The following TMBIM6 variants were observed in gnomAD, a reference collection of about 807,000 sequenced individuals.
TMBIM6 encodes transmembrane BAX inhibitor motif containing 6, also known as bax inhibitor 1.
TMBIM6 carries 13 observed loss-of-function variants against 31.4 expected under a neutral mutation model. The ratio of observed to expected loss-of-function variants is 0.41; its 90% CI spans 0.27 to 0.66. TMBIM6 has a LOEUF of 0.66. Ranked by LOEUF, TMBIM6 falls within the 30% of genes least tolerant of loss-of-function variation. The pLI is 0.28. For missense variants in TMBIM6, 275 were observed against 289.5 expected (o/e 0.95, Z 0.36); for synonymous variants, 85 against 101.7 (o/e 0.84, Z 0.99).
Position 49,757,369 on chromosome 12 carries a change from G to A in TMBIM6, c.287-858G>A, listed in dbSNP as rs141861357. On this transcript the variant is annotated intron_variant, in intron 4 of 9. Transcript: ENST00000267115. ...TTTAATAAACTAGACTTGAGAATCC[G>A]ACATAGTTGCACCCATACTGGCAAT... Among the ~76,000 whole-genome samples, 535 of 152,232 alleles carry A rather than the reference G, an allele frequency of 3.5e-3. 1 individual carries two copies. Among genetic ancestry groups the A allele is most frequent in the Middle Eastern group, 0.017 (5 of 294 alleles).
At chr12:49,755,307 C>T (rs1945568443) in intron 3 of TMBIM6, among the ~76,000 whole-genome samples, 1 of 152,102 alleles carries the variant, frequency 6.6e-6, no homozygotes, top group Non-Finnish European at 1.5e-5. Context: ...ATGGAATGTA[C>T]TTTAAGCACT....
chr12:49,763,132 C>A lies in TMBIM6; in HGVS notation c.*236C>A. Reference sequence around the variant, plus strand: ...TCACTCCCTTTTTTGTCAACCCCATCTGTAGCCTCTTCCTCTACTCAGGCA... The same window carrying A: ...TCACTCCCTTTTTTGTCAACCCCATATGTAGCCTCTTCCTCTACTCAGGCA... On this transcript the variant is annotated 3_prime_UTR_variant, in exon 10 of 10. Transcript: ENST00000267115. The A allele has an allele frequency of 2.4e-6, 1 of 419,534 alleles. No individual in the cohort carries two copies. The highest frequency in any genetic ancestry group is 4.4e-6 in the Non-Finnish European group (1 of 228,032). 26.0% of individuals were successfully genotyped at this position (419,534 alleles called of 1,614,324 possible).
intron 7 of TMBIM6, chr12:49,759,011 A>G: frequency 3.2e-6 from 2 of 627,106 alleles, no homozygotes; most frequent in Non-Finnish European, 5.6e-6. Context: ...CTGATTGTTA[A>G]AATGATTGAA....
intron 1 of TMBIM6, among the ~76,000 whole-genome samples, chr12:49,747,314 C>A (rs888800269): frequency 1.9e-4 from 29 of 152,024 alleles, no homozygotes. Flanking sequence ...CTGTGTTGCC[C>A]AGGCTGGGGT....
At chr12:49,752,104 A>C (rs1048620951) in intron 1 of TMBIM6, among the ~76,000 whole-genome samples, 4 of 152,086 alleles carry the variant, frequency 2.6e-5, no homozygotes, top group Non-Finnish European at 4.4e-5. Context: ...AATGACATAA[A>C]ATTGCTTTAT....
rs1441619921 is a variant in TMBIM6, at chr12:49,752,500, A to G, written c.7A>G (p.Ile3Val). 5.6e-6 allele frequency: 9 copies of G among 1,613,612 alleles called. No individual in the cohort carries two copies. Among genetic ancestry groups the G allele is most frequent in the South Asian group, 2.2e-5 (2 of 91,050 alleles). Residue 3 changes from isoleucine (I) to valine (V), a missense_variant, in exon 2 of 10, where the codon ATA (isoleucine) becomes GTA (valine). Coordinates refer to ENST00000267115, the MANE Select transcript of TMBIM6 (RefSeq NM_003217.3). ...CTGCACGGACTCTGGAACCATGAAC[A>G]TATTTGATCGAAAGATCAACTTTGA... MNIFDRKINFDAL... is the reference protein window; with the variant it reads MNVFDRKINFDAL...
At chr12:49,755,424 A>C (rs950421856) in intron 3 of TMBIM6, among the ~76,000 whole-genome samples, 7 of 152,216 alleles carry the variant, frequency 4.6e-5, no homozygotes, top group Non-Finnish European at 8.8e-5. Flanking sequence ...AAGAGCCTCC[A>C]GCATCCACCA....
intron 1 of TMBIM6, among the ~76,000 whole-genome samples, chr12:49,743,263 C>G (rs960709422): frequency 2.0e-5 from 3 of 150,760 alleles, no homozygotes; most frequent in East Asian, 1.9e-4. Context: ...TTGAGACAGT[C>G]TCACTCCCTT....
chr12:49,758,236 T>C lies in TMBIM6; in HGVS notation c.296T>C (p.Leu99Pro). The change falls in exon 5 of 10, where the codon CTG becomes CCG. Residue 99 changes from leucine (L) to proline (P), a missense_variant. Coordinates refer to ENST00000267115, the MANE Select transcript of TMBIM6 (RefSeq NM_003217.3). ...AGFAFLTGVG[L>P]GPALEFCIAV... is the part of the protein sequence containing the mutation. ...GTTTTCTGTTTTCTAGGAGTTGGCC[T>C]GGGCCCTGCCCTGGAGTTTTGTATT... 1.2e-6 allele frequency: 2 copies of C among 1,614,268 alleles called. No homozygotes were observed. The highest frequency in any genetic ancestry group is 8.5e-7 in the Non-Finnish European group (1 of 1,180,046).
chr12:49,742,239 C>A (rs1484903147), intron 1 of TMBIM6: 1 of 1,611,904 alleles, frequency 6.2e-7, no homozygotes, highest in Non-Finnish European at 8.5e-7. Context: ...TCCAGGCCCA[C>A]GGGGCGGCCC....
At position 49,752,477 on chromosome 12, in the gene TMBIM6, G is replaced by A. The variant is rs1353459106; in HGVS notation, c.-17G>A. 2.5e-6 allele frequency: 4 copies of A among 1,612,492 alleles called. No individual in the cohort carries two copies. Among genetic ancestry groups the A allele is most frequent in the Non-Finnish European group, 3.4e-6 (4 of 1,179,696 alleles). On this transcript the variant is annotated 5_prime_UTR_variant, in exon 2 of 10. Transcript: ENST00000267115. ...TTTATTCTGCAGAGTGGAGACTGCT[G>A]CACGGACTCTGGAACCATGAACATA... is the stretch of plus-strand genomic sequence containing the variant.
chr12:49,752,812 A>G (rs530579667), intron 2 of TMBIM6, among the ~76,000 whole-genome samples, 161 bp from the exon 3 acceptor site: 1 of 152,312 alleles, frequency 6.6e-6, no homozygotes, highest in Non-Finnish European at 1.5e-5. Flanking sequence ...TATTTTCAAA[A>G]TATTATTTTT....
At chr12:49,741,864 T>G in intron 1 of TMBIM6, 1 of 467,306 alleles carries the variant, frequency 2.1e-6, no homozygotes, top group Non-Finnish European at 3.8e-6. Flanking sequence ...TTGGGGGGTG[T>G]CGAGGCCTCT....
intron 8 of TMBIM6, among the ~76,000 whole-genome samples, chr12:49,760,444 A>G (rs138048406): frequency 2.1e-4 from 31 of 150,698 alleles, no homozygotes; most frequent in Middle Eastern, 3.6e-3. Context: ...ATGGGGTCTT[A>G]CCATATGCCC....
chr12:49,748,191 C>T (rs57046047), intron 1 of TMBIM6, among the ~76,000 whole-genome samples: 3,478 of 152,106 alleles, frequency 0.023, 133 homozygotes, highest in African/African-American at 0.079. Context: ...CGTGAGCCAC[C>T]GCACCCAGCC....
At chr12:49,749,441 G>GTTTTTGTTTTT (rs1555228477) in intron 1 of TMBIM6, among the ~76,000 whole-genome samples, 6 of 146,046 alleles carry the variant, frequency 4.1e-5, no homozygotes, top group South Asian at 2.1e-4. Flanking sequence ...AGTCATTTTT[G>GTTTTTGTTTTT]TTTTTTTTTG....
Position 49,763,113 on chromosome 12 carries a change from C to A in TMBIM6, c.*217C>A. 1 of 462,088 alleles carries A rather than the reference C, an allele frequency of 2.2e-6. No individual in the cohort carries two copies. The highest frequency in any genetic ancestry group is 3.4e-5 in the Admixed American group (1 of 29,618). The allele number at this position is 462,088 out of a possible 1,614,324, so 28.6% of individuals were successfully genotyped here. A position where few individuals can be genotyped will look rare whatever the true frequency, so the allele number is the denominator to read the frequency against. On this transcript the variant is annotated 3_prime_UTR_variant, in exon 10 of 10. Coordinates refer to ENST00000267115, the MANE Select transcript of TMBIM6 (RefSeq NM_003217.3). ...CATCTTCCTGGGGTTCCCCTCACTCCCTTTTTTGTCAACCCCATCTGTAGC... is the reference window on the plus strand; with the variant it reads ...CATCTTCCTGGGGTTCCCCTCACTCACTTTTTTGTCAACCCCATCTGTAGC...
intron 4 of TMBIM6, among the ~76,000 whole-genome samples, chr12:49,757,334 G>C (rs1190357076): frequency 2.0e-5 from 3 of 152,196 alleles, no homozygotes; most frequent in African/African-American, 7.2e-5. Context: ...TTAATAGTAG[G>C]CATAGAACTT....
chr12:49,759,686 A>T (rs1264542755), intron 8 of TMBIM6, among the ~76,000 whole-genome samples: 1 of 152,056 alleles, frequency 6.6e-6, no homozygotes, highest in Admixed American at 6.6e-5. Context: ...ACATGTATAT[A>T]ATCCCAGCTA....
Sources: gnomAD v4.1 joint callset for allele counts (sites outside exome capture counted in the v4.1 genomes callset) on GRCh38, gnomAD v4.1.1 for gene constraint, MANE v1.5 for transcripts, NCBI Gene and HGNC (gene_info 2026-07-23, HGNC 2026-07-21) for gene names.